Variants in FBXL16 observed in about 807,000 individuals in gnomAD.
FBXL16 encodes the protein F-box and leucine rich repeat protein 16, also known as F-box/LRR-repeat protein 16.
Under a neutral mutation model 36.7 loss-of-function variants are expected in FBXL16, and 7 were observed. The ratio of observed to expected loss-of-function variants is 0.19; its 90% CI spans 0.11 to 0.36. The LOEUF is 0.36. Among genes scored for constraint, FBXL16 ranks in the 10% least tolerant of loss-of-function variants. The pLI, the probability that FBXL16 is intolerant of heterozygous loss-of-function variation, is 1.00. For missense variants in FBXL16, 463 were observed against 659.4 expected, an observed-to-expected ratio of 0.70 and a Z score of 3.26; for synonymous variants, 355 against 308.7, an observed-to-expected ratio of 1.15 and a Z score of -1.57.
chr16:696,750 T>TCCCCCC, intron 2 of FBXL16, 23 bp downstream of exon 2: 2 of 652,378 alleles, frequency 3.1e-6, no homozygotes, highest in Non-Finnish European at 4.5e-6. Flanking sequence ...CCCAGCCCTG[T>TCCCCCC]CCCCCCCGAG....
At chr16:698,636 G>T (rs1403313574) in intron 1 of FBXL16, among the ~76,000 whole-genome samples, 4 of 152,330 alleles carry the variant, frequency 2.6e-5, no homozygotes, top group Admixed American at 2.6e-4. Context: ...TACCCAAGGG[G>T]CTGGGTGCAG....
chr16:694,442 G>A lies in FBXL16; in HGVS notation c.1292-19C>T. On this transcript the variant is annotated intron_variant, in intron 5 of 5. Transcript: ENST00000397621. The stretch of plus-strand genomic sequence containing the variant: ...GGGCAGCCTGCGGCGGGGTCAGAGG[G>A]CGGCTCAGTGCGCGCGGCCCAGGGC... The A allele has an allele frequency of 1.3e-6, 2 of 1,533,512 alleles. No individual in the cohort carries two copies. Among genetic ancestry groups the A allele is most frequent in the South Asian group, 1.2e-5 (1 of 81,616 alleles). 95.0% of individuals were successfully genotyped at this position (1,533,512 alleles called of 1,614,324 possible).
At position 696,762 on chromosome 16, in the gene FBXL16, C is replaced by G; in HGVS notation, c.633+11G>C. 1 of 1,426,556 alleles carries G rather than the reference C, an allele frequency of 7.0e-7. No homozygotes were observed. The highest frequency in any genetic ancestry group is 9.2e-7 in the Non-Finnish European group (1 of 1,084,188). 88.4% of individuals were successfully genotyped at this position (1,426,556 alleles called of 1,614,324 possible). A position where few individuals can be genotyped will look rare whatever the true frequency, so the allele number is the denominator to read the frequency against. ...CCCCCCAGCCCTGTCCCCCCCGAGC[C>G]TGGTGCACACCTCGAGGCCTGCGTC... On this transcript the variant is annotated intron_variant, in intron 2 of 5. Transcript: ENST00000397621.
At chr16:698,954 AAAAAG>A (rs138048610) in intron 1 of FBXL16, among the ~76,000 whole-genome samples, 38,539 of 149,632 alleles carry the variant, frequency 0.26, 5,871 homozygotes, top group East Asian at 0.71. Context: ...AGAAAAAGAA[AAAAAG>A]AAAAGAAAAA....
intron 1 of FBXL16, among the ~76,000 whole-genome samples, chr16:702,261 C>T (rs78517746): frequency 0.016 from 2,512 of 152,252 alleles, 62 homozygotes; most frequent in African/African-American, 0.056. Context: ...CCTGGGCACA[C>T]GCCGTTCCCC....
At chr16:700,623 C>T (rs1175142127) in intron 1 of FBXL16, among the ~76,000 whole-genome samples, 1 of 152,154 alleles carries the variant, frequency 6.6e-6, no homozygotes, top group Non-Finnish European at 1.5e-5. Context: ...TCGCAGGATG[C>T]CGGCGCCCGA....
At position 695,600 on chromosome 16, in the gene FBXL16, C is replaced by T. The variant is rs1268718295; in HGVS notation, c.957G>A (p.Leu319=). The T allele has an allele frequency of 4.4e-6, 7 of 1,606,212 alleles. No individual in the cohort carries two copies. Among genetic ancestry groups the T allele is most frequent in the South Asian group, 2.2e-5 (2 of 90,656 alleles). ...NHGVVNVVHS[L]PNLTALSLSG... ...AGAGGCTGAGCGCGGTGAGGTTGGG[C>T]AGGCTGTGCACCACGTTGACCACGC... is the stretch of plus-strand genomic sequence containing the variant. Residue 319 remains leucine (L), a synonymous_variant, in exon 3 of 6, where the codon CTG becomes CTA. Coordinates refer to ENST00000397621, the MANE Select transcript of FBXL16 (RefSeq NM_153350.4).
Position 693,324 on chromosome 16 carries a change from C to G in FBXL16, c.*951G>C, listed in dbSNP as rs929667738. 6.6e-6 allele frequency: 1 copy of G among 152,418 alleles called. No individual in the cohort carries two copies. The highest frequency in any genetic ancestry group is 1.5e-5 in the Non-Finnish European group (1 of 68,218). The allele number at this position is 152,418 out of a possible 1,614,324, so 9.4% of individuals were successfully genotyped here. A position where few individuals can be genotyped will look rare whatever the true frequency, so the allele number is the denominator to read the frequency against. ...TGCAGACTCCACCTGAGGAGACCCA[C>G]CCAGGGTGAAGCTCGGTGCCCAGGC... On this transcript the variant is annotated 3_prime_UTR_variant, in exon 6 of 6. Coordinates refer to ENST00000397621, the MANE Select transcript of FBXL16 (RefSeq NM_153350.4).
At position 697,474 on chromosome 16, in the gene FBXL16, G is replaced by T; in HGVS notation, c.-14-55C>A. ...GTCTGTTGCTGAGTCTGGAAGGCCGGGGTTGGGGGCGGGTGCAGTGGGGCT... is the reference window on the plus strand; with the variant it reads ...GTCTGTTGCTGAGTCTGGAAGGCCGTGGTTGGGGGCGGGTGCAGTGGGGCT... On this transcript the variant is annotated intron_variant, in intron 1 of 5. Coordinates refer to ENST00000397621, the MANE Select transcript of FBXL16 (RefSeq NM_153350.4). The surrounding 1 kb of genome is among the most constrained non-coding windows in gnomAD (Gnocchi z 4.6). The T allele has an allele frequency of 1.4e-6, 2 of 1,475,752 alleles. No individual in the cohort carries two copies. The highest frequency in any genetic ancestry group is 2.7e-5 in the South Asian group (2 of 75,018). 91.4% of individuals were successfully genotyped at this position (1,475,752 alleles called of 1,614,324 possible). A position where few individuals can be genotyped will look rare whatever the true frequency, so the allele number is the denominator to read the frequency against.
In FBXL16 at chr16:694,230, CCCAGGT is replaced by C; in HGVS notation, c.*39_*44del. ...GGCTCGGCGGCGCCCCGCGCCCCCGCCCAGGTCATGGCCGGGTTCCCGCGACCGGGG... is the reference window on the plus strand; with the variant it reads ...GGCTCGGCGGCGCCCCGCGCCCCCGCCATGGCCGGGTTCCCGCGACCGGGG... On this transcript the variant is annotated 3_prime_UTR_variant, in exon 6 of 6. Coordinates refer to ENST00000397621, the MANE Select transcript of FBXL16 (RefSeq NM_153350.4). The C allele has an allele frequency of 7.9e-7, 1 of 1,258,706 alleles. No individual in the cohort carries two copies. The highest frequency in any genetic ancestry group is 3.4e-5 in the South Asian group (1 of 29,648). The allele number at this position is 1,258,706 out of a possible 1,614,324, so 78.0% of individuals were successfully genotyped here. A position where few individuals can be genotyped will look rare whatever the true frequency, so the allele number is the denominator to read the frequency against.
At chr16:694,484 G>C in intron 5 of FBXL16, 61 bp from the exon 6 acceptor site, 3 of 1,495,210 alleles carry the variant, frequency 2.0e-6, no homozygotes, top group Non-Finnish European at 2.7e-6. Context: ...GGGGACGGCC[G>C]GGCCGCGCCT....
At position 694,106 on chromosome 16, in the gene FBXL16, G is replaced by A; in HGVS notation, c.*169C>T. ...CCCGGGGCGGGGCTGGGAGGGCGGA[G>A]GGACCGAAGGTCGGGGAGGGGCTTT... is the stretch of plus-strand genomic sequence containing the variant. On this transcript the variant is annotated 3_prime_UTR_variant, in exon 6 of 6. Coordinates refer to ENST00000397621, the MANE Select transcript of FBXL16 (RefSeq NM_153350.4). 1.8e-5 allele frequency: 6 copies of A among 342,118 alleles called. No individual in the cohort carries two copies. The highest frequency in any genetic ancestry group is 3.1e-5 in the Non-Finnish European group (6 of 195,580). The allele number at this position is 342,118 out of a possible 1,614,324, so 21.2% of individuals were successfully genotyped here.
intron 1 of FBXL16, among the ~76,000 whole-genome samples, chr16:704,872 T>C (rs922329990): frequency 9.2e-5 from 14 of 152,300 alleles, no homozygotes; most frequent in Admixed American, 7.8e-4. Context: ...CCTGAGGTGA[T>C]GGGTGGGGAA....
chr16:694,445 G>A (rs747015164), intron 5 of FBXL16, 22 bp from the exon 6 acceptor site: 4 of 1,532,684 alleles, frequency 2.6e-6, no homozygotes, highest in Admixed American at 2.3e-5. Flanking sequence ...TCAGAGGGCG[G>A]CTCAGTGCGC....
At chr16:694,585 T>TG (rs990828753) in intron 5 of FBXL16, 49 bp downstream of exon 5, 83 of 1,563,426 alleles carry the variant, frequency 5.3e-5, no homozygotes, top group Non-Finnish European at 6.8e-5. Flanking sequence ...GTGGACTAAG[T>TG]GGGGGTGGGT....
chr16:694,787 GC>G, intron 4 of FBXL16, 90 bp from the exon 5 acceptor site: 1 of 1,420,794 alleles, frequency 7.0e-7, no homozygotes, highest in Admixed American at 2.0e-5. Context: ...GCGGGTTCAA[GC>G]CCGGGGTTCC....
intron 5 of FBXL16, 83 bp from the exon 6 acceptor site, chr16:694,506 C>T (rs925709806): frequency 5.3e-6 from 8 of 1,497,278 alleles, no homozygotes; most frequent in African/African-American, 1.4e-5. Context: ...CCTCCTCCTC[C>T]GCCTCGGACC....
At chr16:698,913 C>CAAA (rs767619638) in intron 1 of FBXL16, among the ~76,000 whole-genome samples, 3,886 of 89,560 alleles carry the variant, frequency 0.043, 339 homozygotes, top group African/African-American at 0.14. Flanking sequence ...GACTTTGTCT[C>CAAA]AAAAAAAAAA....
At position 697,400 on chromosome 16, in the gene FBXL16, C is replaced by T. The variant is rs776203812; in HGVS notation, c.6G>A (p.Ser2=). The change falls in exon 2 of 6, where the codon TCG becomes TCA. Residue 2 remains serine (S), a synonymous_variant. Transcript: ENST00000397621. This position sits in a 1 kb window ranked among gnomAD's most constrained non-coding sequence, Gnocchi z 4.6. ...TGGGGTCGCCGTCGATGCCCGGGCT[C>T]GACATCTTCCTGGCACGCTCTGTGG... is the stretch of plus-strand genomic sequence containing the variant. M[S]SPGIDGDPKP... The T allele has an allele frequency of 2.3e-5, 35 of 1,532,792 alleles. No individual in the cohort carries two copies. In the Admixed American group the frequency reaches 3.0e-4, roughly 13 times the overall value. The allele number at this position is 1,532,792 out of a possible 1,614,324, so 94.9% of individuals were successfully genotyped here.
Sources: allele counts gnomAD v4.1 joint callset (sites outside exome capture counted in the v4.1 genomes callset), GRCh38; gene constraint gnomAD v4.1.1; non-coding constraint Gnocchi (gnomAD v3.1); transcripts MANE v1.5; gene names NCBI Gene and HGNC (gene_info 2026-07-23, HGNC 2026-07-21).